Variants in UPP2 observed in about 807,000 individuals in gnomAD.
The protein encoded by UPP2 is uridine phosphorylase 2.
A neutral mutation model predicts 26.7 loss-of-function variants in UPP2; 23 were observed. The observed-to-expected ratio is 0.86, with a 90% CI of 0.62 to 1.22. The LOEUF (loss-of-function observed/expected upper bound fraction) is 1.22. UPP2 is among the 50% of genes most tolerant of loss of function. The probability of loss-of-function intolerance (pLI) is 0.00; values close to 1 mark genes in which losing one functional copy is unlikely to be tolerated. For synonymous variants in UPP2, 127 were observed against 141.3 expected (o/e 0.90, Z 0.72); for missense variants, 387 against 396.7 (o/e 0.98, Z 0.21).
intron 3 of UPP2, among the ~76,000 whole-genome samples, chr2:158,079,942 G>A (rs1027905125): frequency 6.6e-6 from 1 of 152,122 alleles, no homozygotes; most frequent in East Asian, 1.9e-4. Context: ...GCCATTCAGC[G>A]TAATCATCAT....
At chr2:158,090,287 G>T (rs1682888675) in intron 3 of UPP2, among the ~76,000 whole-genome samples, 1 of 152,150 alleles carries the variant, frequency 6.6e-6, no homozygotes, top group African/African-American at 2.4e-5. Context: ...CGGATCACGA[G>T]GTCGGGGATC....
chr2:158,025,570 A>G (rs1457636999), intron 3 of UPP2, among the ~76,000 whole-genome samples: 1 of 152,226 alleles, frequency 6.6e-6, no homozygotes, highest in Non-Finnish European at 1.5e-5. Context: ...TGGCAAGGTC[A>G]CTGCCAGCCT....
chr2:158,004,826 T>A (rs1288995101), intron 2 of UPP2, among the ~76,000 whole-genome samples: 1 of 152,242 alleles, frequency 6.6e-6, no homozygotes, highest in Non-Finnish European at 1.5e-5. Flanking sequence ...AAAATGGAGA[T>A]AATAATTATC....
At chr2:158,044,177 G>C (rs539888674) in intron 3 of UPP2, among the ~76,000 whole-genome samples, 1 of 152,160 alleles carries the variant, frequency 6.6e-6, no homozygotes, top group Admixed American at 6.5e-5. Context: ...TTAGACTAGC[G>C]GTAGATGGGG....
intron 3 of UPP2, among the ~76,000 whole-genome samples, chr2:158,061,039 G>C (rs1340401345): frequency 6.6e-6 from 1 of 152,210 alleles, no homozygotes; most frequent in African/African-American, 2.4e-5. Flanking sequence ...TGAACTGGTA[G>C]AAACTTAGCT....
At chr2:158,039,294 C>T (rs188224000) in intron 3 of UPP2, among the ~76,000 whole-genome samples, 16 of 152,194 alleles carry the variant, frequency 1.1e-4, no homozygotes, top group African/African-American at 3.6e-4. Flanking sequence ...TGTGCAACCA[C>T]TGGCACTAGC....
chr2:158,019,660 A>T (rs1372664039), intron 3 of UPP2, among the ~76,000 whole-genome samples: 1 of 151,238 alleles, frequency 6.6e-6, no homozygotes. Flanking sequence ...ACACACACAC[A>T]CACACACACA....
At chr2:158,074,872 A>G (rs1360575373) in intron 3 of UPP2, among the ~76,000 whole-genome samples, 5 of 151,852 alleles carry the variant, frequency 3.3e-5, no homozygotes, top group Non-Finnish European at 5.9e-5. Context: ...TGTTGCCTAC[A>G]AAAAAGGCAC....
chr2:158,054,971 C>T (rs1459310450), intron 3 of UPP2, among the ~76,000 whole-genome samples: 7 of 152,202 alleles, frequency 4.6e-5, no homozygotes, highest in Non-Finnish European at 1.0e-4. Context: ...TCCCCTCTCT[C>T]CCTAGCCCCT....
At chr2:158,011,463 T>G (rs1459974852) in intron 2 of UPP2, among the ~76,000 whole-genome samples, 1 of 152,136 alleles carries the variant, frequency 6.6e-6, no homozygotes, top group African/African-American at 2.4e-5. Context: ...GAGCCCTCCT[T>G]TCCCATAAAG....
At chr2:158,098,070 A>G (rs988821276), upstream of UPP2, among the ~76,000 whole-genome samples, 2 of 152,168 alleles carry the variant, frequency 1.3e-5, no homozygotes, top group Non-Finnish European at 2.9e-5. Flanking sequence ...ACACAAAAAA[A>G]CCTAGGTCTG....
At chr2:158,066,841 AG>A (rs952033863) in intron 3 of UPP2, among the ~76,000 whole-genome samples, 8 of 152,092 alleles carry the variant, frequency 5.3e-5, no homozygotes, top group African/African-American at 1.9e-4. Context: ...AAAGAATGGG[AG>A]GGGGCTATTC....
intron 2 of UPP2, among the ~76,000 whole-genome samples, chr2:158,111,549 C>T (rs1317615197): frequency 6.6e-6 from 1 of 151,956 alleles, no homozygotes; most frequent in Non-Finnish European, 1.5e-5. Flanking sequence ...TAAATGGGTG[C>T]TTAGACACTT....
intron 2 of UPP2, among the ~76,000 whole-genome samples, chr2:158,000,125 G>A (rs984438931): frequency 5.9e-5 from 9 of 151,458 alleles, no homozygotes; most frequent in Admixed American, 1.3e-4. Flanking sequence ...GTGCAATGGC[G>A]CGATCTCGGC....
intron 3 of UPP2, among the ~76,000 whole-genome samples, chr2:158,056,022 T>C (rs1190126015): frequency 6.6e-6 from 1 of 152,176 alleles, no homozygotes; most frequent in Non-Finnish European, 1.5e-5. Flanking sequence ...GAGACAAGAC[T>C]AAACTGGGAG....
At chr2:158,056,726 G>A (rs550646012) in intron 3 of UPP2, among the ~76,000 whole-genome samples, 30 of 152,278 alleles carry the variant, frequency 2.0e-4, no homozygotes, top group African/African-American at 6.5e-4. Context: ...GACGGCAGTC[G>A]TACTGGATTC....
intron 6 of UPP2, among the ~76,000 whole-genome samples, chr2:158,130,287 G>A (rs1019706428): frequency 2.0e-5 from 3 of 151,718 alleles, no homozygotes; most frequent in Admixed American, 6.6e-5. Context: ...CTACAAATAC[G>A]AAAAAAACCA....
intron 2 of UPP2, among the ~76,000 whole-genome samples, chr2:158,002,316 G>T (rs1426945235): frequency 6.6e-6 from 1 of 152,232 alleles, no homozygotes; most frequent in East Asian, 1.9e-4. Context: ...CCCACCATTA[G>T]AGAGAAAAAG....
chr2:157,997,620 T>C (rs1175277281), intron 2 of UPP2, among the ~76,000 whole-genome samples: 1 of 152,200 alleles, frequency 6.6e-6, no homozygotes, highest in African/African-American at 2.4e-5. Flanking sequence ...ATTCAAAGCA[T>C]GTACCACATC....
Sources: gnomAD v4.1 joint callset for allele counts (sites outside exome capture counted in the v4.1 genomes callset) on GRCh38, gnomAD v4.1.1 for gene constraint, MANE v1.5 for transcripts, NCBI Gene and HGNC (gene_info 2026-07-23, HGNC 2026-07-21) for gene names.